TRIM39: variants seen among roughly 807,000 people sequenced by gnomAD.
TRIM39 encodes tripartite motif containing 39, also known as E3 ubiquitin-protein ligase TRIM39.
Under a neutral mutation model 53.6 loss-of-function variants are expected in TRIM39, and 5 were observed. The ratio of observed to expected loss-of-function variants is 0.09; its 90% CI spans 0.05 to 0.20. TRIM39 has a LOEUF of 0.20. TRIM39 is among the 10% of genes least tolerant of loss of function. The probability of loss-of-function intolerance (pLI) is 1.00; values close to 1 mark genes in which losing one functional copy is unlikely to be tolerated. For synonymous variants in TRIM39, 196 were observed against 237.6 expected (o/e 0.82, Z 1.61); for missense variants, 310 against 621.0 (o/e 0.50, Z 5.32).
intron 4 of TRIM39, among the ~76,000 whole-genome samples, chr6:30,334,725 T>G (rs1263376825): frequency 2.6e-5 from 4 of 152,196 alleles, no homozygotes; most frequent in Non-Finnish European, 5.9e-5. Flanking sequence ...TACTTTCCTT[T>G]TTGTTTCGTT....
intron 7 of TRIM39, chr6:30,341,395 C>T (rs1273113928): frequency 1.6e-6 from 1 of 640,378 alleles, no homozygotes; most frequent in South Asian, 1.5e-5. Flanking sequence ...TCAGACTACA[C>T]CTTGTACTTC....
chr6:30,326,496 G>A (rs1785311749), exon 1 of TRIM39: 1 of 152,472 alleles, frequency 6.6e-6, no homozygotes, highest in African/African-American at 2.4e-5. Flanking sequence ...GGAAAAGTGT[G>A]GAAGTCCACA....
intron 5 of TRIM39, among the ~76,000 whole-genome samples, chr6:30,336,514 A>G (rs1786878955): frequency 6.6e-6 from 1 of 152,178 alleles, no homozygotes; most frequent in African/African-American, 2.4e-5. Flanking sequence ...TGACTGATCG[A>G]GGTGGTGGTT....
chr6:30,330,964 G>A (rs1252061977), intron 4 of TRIM39, 88 bp downstream of exon 4: 17 of 1,454,354 alleles, frequency 1.2e-5, no homozygotes, highest in Middle Eastern at 2.0e-4. Flanking sequence ...CACCAGTTCC[G>A]GTTCATTAGA....
In TRIM39 at chr6:30,342,335, C is replaced by A; in HGVS notation, c.*76C>A. On this transcript the variant is annotated 3_prime_UTR_variant, in exon 8 of 8. Transcript: ENST00000396551. The surrounding 1 kb of genome is among the most constrained non-coding windows in gnomAD (Gnocchi z 4.7). ...GCCTCCTTCCCGTGTCCTGCTGGAA[C>A]GTCTTCGTGTCCACCTGGGTCCAGT... The A allele has an allele frequency of 6.8e-7, 1 of 1,480,556 alleles. No individual in the cohort carries two copies. Among genetic ancestry groups the A allele is most frequent in the Non-Finnish European group, 9.3e-7 (1 of 1,077,608 alleles). 91.7% of individuals were successfully genotyped at this position (1,480,556 alleles called of 1,614,324 possible).
chr6:30,326,583 T>A (rs1252921835), exon 1 of TRIM39: 1 of 152,494 alleles, frequency 6.6e-6, no homozygotes, highest in Non-Finnish European at 1.5e-5. Context: ...AGCCGGGGCC[T>A]GGAGCCTGGA....
At chr6:30,340,162 T>C (rs1582047397) in intron 6 of TRIM39, 1 of 1,102,366 alleles carries the variant, frequency 9.1e-7, no homozygotes, top group Non-Finnish European at 1.4e-6. Context: ...AATGATAAGG[T>C]AGAATCAGAT....
chr6:30,331,734 A>G (rs1318777322), intron 4 of TRIM39, among the ~76,000 whole-genome samples: 1 of 152,196 alleles, frequency 6.6e-6, no homozygotes, highest in African/African-American at 2.4e-5. Context: ...GATGAAAGCC[A>G]CTTCCTATGC....
At chr6:30,329,160 G>T in intron 2 of TRIM39, 119 bp downstream of exon 2, 3 of 892,650 alleles carry the variant, frequency 3.4e-6, no homozygotes, top group Non-Finnish European at 5.0e-6. Context: ...TGAATTGATT[G>T]GAAGAGAAGA....
chr6:30,341,264 T>A, intron 7 of TRIM39: 1 of 383,884 alleles, frequency 2.6e-6, no homozygotes, highest in South Asian at 2.1e-5. Flanking sequence ...AATGTGAATA[T>A]GCAGGGAAAA....
At chr6:30,330,050 C>T (rs1785931492) in intron 3 of TRIM39, among the ~76,000 whole-genome samples, 1 of 152,116 alleles carries the variant, frequency 6.6e-6, no homozygotes, top group Admixed American at 6.5e-5. Context: ...TGAATGAAAC[C>T]ACATGGAAAA....
At chr6:30,327,547 C>G (rs1194451192) in intron 1 of TRIM39, 1 of 152,462 alleles carries the variant, frequency 6.6e-6, no homozygotes, top group Non-Finnish European at 1.5e-5. Context: ...AGAGGAAGGA[C>G]TAACGCAGAG....
intron 2 of TRIM39, 22 bp downstream of exon 2, chr6:30,329,063 T>G (rs532163221): frequency 1.2e-5 from 6 of 515,120 alleles, no homozygotes; most frequent in East Asian, 3.3e-5. Flanking sequence ...GATAGATCAA[T>G]TGGGGGTTGT....
chr6:30,341,393 C>T, intron 7 of TRIM39: 1 of 637,816 alleles, frequency 1.6e-6, no homozygotes, highest in Non-Finnish European at 3.0e-6. Flanking sequence ...CCTCAGACTA[C>T]ACCTTGTACT....
chr6:30,333,237 G>A (rs1184101140), intron 4 of TRIM39, among the ~76,000 whole-genome samples: 1 of 151,718 alleles, frequency 6.6e-6, no homozygotes, highest in Non-Finnish European at 1.5e-5. Flanking sequence ...TATAATCTTG[G>A]GTTTTATTCA....
chr6:30,334,823 T>G (rs3778624), intron 4 of TRIM39, among the ~76,000 whole-genome samples: 43,764 of 152,040 alleles, frequency 0.29, 6,702 homozygotes, highest in East Asian at 0.48. Context: ...CAAACTCCAG[T>G]GTTCAGGCCA....
Position 30,330,778 on chromosome 6 carries a change from C to T in TRIM39, c.454-3C>T. ...CCTCTCCCACTTCCTCCCTACCCCTCAGGAAAAACTGCAGAAGTGTCTGGA... is the reference window on the plus strand; with the variant it reads ...CCTCTCCCACTTCCTCCCTACCCCTTAGGAAAAACTGCAGAAGTGTCTGGA... On this transcript the variant is annotated splice_region_variant and splice_polypyrimidine_tract_variant and intron_variant, in intron 3 of 7. Coordinates refer to ENST00000396551, the Ensembl canonical transcript of TRIM39. 1 of 1,614,162 alleles carries T rather than the reference C, an allele frequency of 6.2e-7. No individual in the cohort carries two copies. Among genetic ancestry groups the T allele is most frequent in the East Asian group, 2.2e-5 (1 of 44,884 alleles).
rs1023191954 is a variant in TRIM39 at position 30,338,415 on chromosome 6, C to T, written c.781-1493C>T. ...TTATTAATTGATATAATTTTAATAT[C>T]GTTGTGTCTCGGAATAGGGAGGCCA... On this transcript the variant is annotated intron_variant, in intron 5 of 7. Transcript: ENST00000396551. The surrounding 1 kb of genome is among the most constrained non-coding windows in gnomAD (Gnocchi z 4.0). Among the ~76,000 whole-genome samples, 3 of 151,276 alleles carry T rather than the reference C, an allele frequency of 2.0e-5. No individual in the cohort carries two copies. Among genetic ancestry groups the T allele is most frequent in the Non-Finnish European group, 4.4e-5 (3 of 67,868 alleles).
intron 4 of TRIM39, among the ~76,000 whole-genome samples, chr6:30,331,983 T>C (rs965641188): frequency 2.6e-5 from 4 of 152,076 alleles, no homozygotes; most frequent in Non-Finnish European, 2.9e-5. Flanking sequence ...TCAGGCCAAA[T>C]TGGGATAAGT....
Sources: gnomAD v4.1 joint callset for allele counts (sites outside exome capture counted in the v4.1 genomes callset) on GRCh38, gnomAD v4.1.1 for gene constraint, Gnocchi (gnomAD v3.1) non-coding constraint, MANE v1.5 for transcripts, NCBI Gene and HGNC (gene_info 2026-07-23, HGNC 2026-07-21) for gene names.